Variants in NEDD4 observed in about 807,000 individuals in gnomAD.
The protein encoded by NEDD4 is E3 ubiquitin-protein ligase NEDD4.
In NEDD4, 99 loss-of-function variants were observed where a neutral mutation model predicts 144.9. The ratio of observed to expected loss-of-function variants is 0.68; its 90% CI spans 0.58 to 0.81. The LOEUF (loss-of-function observed/expected upper bound fraction) is 0.81, where lower values mean the gene tolerates loss of function less well. NEDD4 is among the 30% of genes least tolerant of loss of function. NEDD4 has a pLI of 0.00. For synonymous variants in NEDD4, 318 were observed against 350.6 expected (o/e 0.91, Z 1.04); for missense variants, 985 against 1,065.9 (o/e 0.92, Z 1.06).
At chr15:55,945,873 A>G (rs772817232) in intron 4 of NEDD4, among the ~76,000 whole-genome samples, 17 of 152,198 alleles carry the variant, frequency 1.1e-4, no homozygotes, top group Non-Finnish European at 2.2e-4. Context: ...CTTAAAGAAA[A>G]TAATTTTGAA....
chr15:55,835,029 C>T (rs777035185), intron 24 of NEDD4, among the ~76,000 whole-genome samples: 14 of 152,142 alleles, frequency 9.2e-5, no homozygotes, highest in South Asian at 2.1e-4. Flanking sequence ...TCACTCTGTA[C>T]GCATTTAAAT....
At chr15:55,836,702 A>G (rs1355889300) in intron 24 of NEDD4, among the ~76,000 whole-genome samples, 1 of 151,856 alleles carries the variant, frequency 6.6e-6, no homozygotes, top group Non-Finnish European at 1.5e-5. Context: ...ATTTTTTTGT[A>G]TTTTTAGTAG....
chr15:55,903,839 A>AAAC (rs1555401926), intron 5 of NEDD4, among the ~76,000 whole-genome samples: 21 of 106,186 alleles, frequency 2.0e-4, no homozygotes, highest in Non-Finnish European at 2.6e-4. Context: ...AAAAAAAAAA[A>AAAC]ACACACATAT....
intron 1 of NEDD4, among the ~76,000 whole-genome samples, chr15:55,967,881 C>A (rs1001755206): frequency 3.6e-4 from 55 of 152,000 alleles, no homozygotes; most frequent in Admixed American, 3.6e-3. Context: ...GGCATGATAA[C>A]TTGTGTCTGT....
At chr15:55,878,479 A>T (rs1291096047) in intron 5 of NEDD4, among the ~76,000 whole-genome samples, 2 of 152,198 alleles carry the variant, frequency 1.3e-5, no homozygotes, top group Non-Finnish European at 2.9e-5. Context: ...TACTACTTCA[A>T]ACCCCCTGGA....
chr15:55,866,018 A>C (rs2034573969), intron 8 of NEDD4, among the ~76,000 whole-genome samples: 1 of 151,898 alleles, frequency 6.6e-6, no homozygotes, highest in Non-Finnish European at 1.5e-5. Context: ...TGCAGCCTTG[A>C]CCTCTTGAGC....
chr15:55,858,966 G>T (rs1373340034), intron 11 of NEDD4, among the ~76,000 whole-genome samples: 1 of 152,168 alleles, frequency 6.6e-6, no homozygotes, highest in African/African-American at 2.4e-5. Context: ...GGCAGCTGCT[G>T]ATTTGGCCCA....
chr15:55,855,852 G>A (rs1197312720), intron 12 of NEDD4, among the ~76,000 whole-genome samples: 2 of 152,196 alleles, frequency 1.3e-5, no homozygotes, highest in South Asian at 2.1e-4. Context: ...ATTGTATGCC[G>A]TATGCAGCGG....
intron 8 of NEDD4, 60 bp from the exon 9 acceptor site, chr15:55,863,139 T>C (rs1010514966): frequency 7.3e-7 from 1 of 1,371,010 alleles, no homozygotes; most frequent in South Asian, 1.7e-5. Flanking sequence ...TTCTAAATTA[T>C]ATGCTAAAGG....
intron 5 of NEDD4, among the ~76,000 whole-genome samples, chr15:55,874,927 C>A (rs922500041): frequency 1.3e-5 from 2 of 151,744 alleles, no homozygotes; most frequent in South Asian, 4.2e-4. Flanking sequence ...TGAGCCTGGA[C>A]CATGCCACTG....
intron 24 of NEDD4, among the ~76,000 whole-genome samples, chr15:55,834,924 C>A (rs1164756464): frequency 7.9e-5 from 12 of 152,190 alleles, no homozygotes; most frequent in African/African-American, 2.9e-4. Context: ...TCCTTCCCAC[C>A]GCAGTGCCGC....
At chr15:55,983,302 G>A (rs1385312263) in intron 1 of NEDD4, among the ~76,000 whole-genome samples, 1 of 144,762 alleles carries the variant, frequency 6.9e-6, no homozygotes, top group South Asian at 2.1e-4. Flanking sequence ...GTGTGTGTGC[G>A]TGCGCGCGCG....
At chr15:55,945,563 G>A (rs1200089261) in intron 4 of NEDD4, among the ~76,000 whole-genome samples, 1 of 152,094 alleles carries the variant, frequency 6.6e-6, no homozygotes, top group Non-Finnish European at 1.5e-5. Flanking sequence ...CAGGGAGAAT[G>A]GAACCAAGGT....
chr15:55,921,154 C>T, intron 5 of NEDD4, among the ~76,000 whole-genome samples: 1 of 152,098 alleles, frequency 6.6e-6, no homozygotes, highest in Admixed American at 6.5e-5. Flanking sequence ...TTTATCCTCA[C>T]AATATGCTTA....
intron 4 of NEDD4, among the ~76,000 whole-genome samples, chr15:55,939,477 T>A (rs1364988916): frequency 6.6e-6 from 1 of 152,174 alleles, no homozygotes; most frequent in South Asian, 2.1e-4. Context: ...AGGTAGTATC[T>A]TTATCATAGT....
At chr15:55,974,895 T>C (rs74974374) in intron 1 of NEDD4, among the ~76,000 whole-genome samples, 5 of 120,628 alleles carry the variant, frequency 4.1e-5, no homozygotes, top group African/African-American at 1.7e-4. Context: ...TCCTTTCTTT[T>C]TTTTTTTTTT....
At chr15:55,837,721 G>A (rs2033277483) in intron 24 of NEDD4, 68 bp downstream of exon 24, 10 of 1,076,664 alleles carry the variant, frequency 9.3e-6, no homozygotes, top group Non-Finnish European at 1.4e-5. Flanking sequence ...ATGTGATGAG[G>A]CCTAATATTT....
chr15:55,854,597 G>A (rs373305896), intron 12 of NEDD4, among the ~76,000 whole-genome samples: 12 of 152,222 alleles, frequency 7.9e-5, no homozygotes, highest in African/African-American at 2.6e-4. Context: ...GCAGATGAGC[G>A]GTTGCTTGCA....
rs541842989 is a variant in NEDD4, at chr15:55,962,788, A to AT, written c.119+3684dup. ...ATTTGTTCCTCCTTTTCCGACTTTTATTTTTTTTATTTTATTTTTTTGATG... is the reference window on the plus strand; with the variant it reads ...ATTTGTTCCTCCTTTTCCGACTTTTATTTTTTTTTATTTTATTTTTTTGATG... On this transcript the variant is annotated intron_variant, in intron 2 of 28. Coordinates refer to ENST00000435532, the MANE Select transcript of NEDD4 (RefSeq NM_006154.4). Among the ~76,000 whole-genome samples, 44 of 149,408 alleles carry AT rather than the reference A, an allele frequency of 2.9e-4. 1 individual carries two copies. The highest frequency in any genetic ancestry group is 6.0e-5 in the Non-Finnish European group (4 of 67,220).
Sources: gnomAD v4.1 joint callset for allele counts (sites outside exome capture counted in the v4.1 genomes callset) on GRCh38, gnomAD v4.1.1 for gene constraint, MANE v1.5 for transcripts, NCBI Gene and HGNC (gene_info 2026-07-23, HGNC 2026-07-21) for gene names.